CHSY1: variants seen among roughly 807,000 people sequenced by gnomAD.
CHSY1 encodes chondroitin sulfate synthase 1.
Under a neutral mutation model 59.8 loss-of-function variants are expected in CHSY1, and 13 were observed. The observed-to-expected ratio is 0.22, with a 90% CI of 0.14 to 0.35. CHSY1 has a LOEUF of 0.35. Among genes scored for constraint, CHSY1 ranks in the 10% least tolerant of loss-of-function variants. The pLI, the probability that CHSY1 is intolerant of heterozygous loss-of-function variation, is 1.00. For missense variants in CHSY1, 947 were observed against 1,030.6 expected, an observed-to-expected ratio of 0.92 and a Z score of 1.11; for synonymous variants, 459 against 401.2, an observed-to-expected ratio of 1.14 and a Z score of -1.72.
rs552355921 is a variant in CHSY1 at position 101,178,165 on chromosome 15, G to A, written c.1632C>T (p.Phe544=). ...INILIPLSGR[F]DMFVRFMGNF... ...TTCCCATAAATCTCACAAACATGTC[G>A]AAACGCCCAGACAAAGGAATCAGTA... The change falls in exon 3 of 3, where the codon TTC becomes TTT. Residue 544 remains phenylalanine, a synonymous_variant. Transcript: ENST00000254190. 30 of 1,614,156 alleles carry A rather than the reference G, an allele frequency of 1.9e-5. No homozygotes were observed. The highest frequency in any genetic ancestry group is 1.6e-4 in the East Asian group (7 of 44,886).
intron 2 of CHSY1, among the ~76,000 whole-genome samples, chr15:101,203,349 A>AT (rs772529090): frequency 6.6e-6 from 1 of 152,228 alleles, no homozygotes; most frequent in Non-Finnish European, 1.5e-5. Flanking sequence ...GAGACACACT[A>AT]ATTTCAATAC....
rs1475060155 is a variant in CHSY1, at chr15:101,235,316, G to A, written c.582C>T (p.Leu194=). The A allele has an allele frequency of 2.5e-6, 4 of 1,614,088 alleles. No individual in the cohort carries two copies. Among genetic ancestry groups the A allele is most frequent in the African/African-American group, 1.3e-5 (1 of 74,934 alleles). Residue 194 remains leucine (L), a synonymous_variant, in exon 2 of 3, where the codon CTC becomes CTT. Transcript: ENST00000254190. ...FLRSLNSSEP[L]FLGQTGLGTT... ...TGCCCAGGCCTGTCTGCCCAAGAAAGAGGGGCTCGCTGCTGTTCAAACTCC... is the reference window on the plus strand; with the variant it reads ...TGCCCAGGCCTGTCTGCCCAAGAAAAAGGGGCTCGCTGCTGTTCAAACTCC...
At chr15:101,191,355 TAAAAC>T (rs2038442561) in intron 2 of CHSY1, among the ~76,000 whole-genome samples, 1 of 152,172 alleles carries the variant, frequency 6.6e-6, no homozygotes, top group African/African-American at 2.4e-5. Flanking sequence ...TATAACACTG[TAAAAC>T]AAAACAAGGC....
chr15:101,223,287 G>A (rs970214810), intron 2 of CHSY1, among the ~76,000 whole-genome samples: 1 of 152,116 alleles, frequency 6.6e-6, no homozygotes. Flanking sequence ...CACCATGCCC[G>A]GCCAACTACT....
At position 101,251,129 on chromosome 15, in the gene CHSY1, G is replaced by A. The variant is rs764708076; in HGVS notation, c.320+8C>T. On this transcript the variant is annotated splice_region_variant and intron_variant, in intron 1 of 2. Coordinates refer to ENST00000254190, the MANE Select transcript of CHSY1 (RefSeq NM_014918.5). The stretch of plus-strand genomic sequence containing the variant: ...GCAGGAGGCGGTGCCCGGGGAGCAG[G>A]GGCTCACCTGTAGGCGGCCACGGCC... 1.3e-6 allele frequency: 2 copies of A among 1,572,854 alleles called. No homozygotes were observed. The highest frequency in any genetic ancestry group is 1.4e-5 in the African/African-American group (1 of 73,904).
rs1222475741 is a variant in CHSY1, at chr15:101,235,062, G to A, written c.816+20C>T. 3.1e-6 allele frequency: 5 copies of A among 1,611,808 alleles called. No homozygotes were observed. Among genetic ancestry groups the A allele is most frequent in the South Asian group, 2.2e-5 (2 of 91,072 alleles). On this transcript the variant is annotated intron_variant, in intron 2 of 2. Transcript: ENST00000254190. ...TTGACAAAATTAAGTTTTTCCCATG[G>A]TAAAGAATTCTGTTCTTACCTCATA...
At chr15:101,186,894 G>T (rs1051837701) in intron 2 of CHSY1, 1 of 152,206 alleles carries the variant, frequency 6.6e-6, no homozygotes, top group Admixed American at 6.5e-5. Flanking sequence ...ATCCGTCAAG[G>T]TAAAGAATTC....
At chr15:101,221,710 G>A (rs949270000) in intron 2 of CHSY1, among the ~76,000 whole-genome samples, 32 of 152,092 alleles carry the variant, frequency 2.1e-4, no homozygotes, top group African/African-American at 7.5e-4. Flanking sequence ...TTAAATAAAA[G>A]TTGTGTCTTT....
chr15:101,230,652 CAAGG>C (rs1446317003), intron 2 of CHSY1, among the ~76,000 whole-genome samples: 2 of 152,156 alleles, frequency 1.3e-5, no homozygotes, highest in Non-Finnish European at 2.9e-5. Flanking sequence ...GACAGACTAA[CAAGG>C]AAGATTTTAT....
chr15:101,241,494 AACC>A (rs1299402722), intron 1 of CHSY1, among the ~76,000 whole-genome samples: 2 of 152,274 alleles, frequency 1.3e-5, no homozygotes, highest in Non-Finnish European at 2.9e-5. Flanking sequence ...GCTAACAAGC[AACC>A]AAAGAAATCA....
At chr15:101,202,152 T>G in intron 2 of CHSY1, among the ~76,000 whole-genome samples, 3 of 144,454 alleles carry the variant, frequency 2.1e-5, no homozygotes, top group African/African-American at 7.8e-5. Flanking sequence ...ATGGAGGGCA[T>G]TTCTGCAGGG....
chr15:101,235,313 A>G lies in CHSY1; in HGVS notation c.585T>C (p.Phe195=). 6.2e-7 allele frequency: 1 copy of G among 1,614,170 alleles called. No homozygotes were observed. Among genetic ancestry groups the G allele is most frequent in the Non-Finnish European group, 8.5e-7 (1 of 1,180,036 alleles). The change falls in exon 2 of 3, where the codon TTT becomes TTC. Residue 195 remains phenylalanine, a synonymous_variant. Coordinates refer to ENST00000254190, the MANE Select transcript of CHSY1 (RefSeq NM_014918.5). ...TGGTGCCCAGGCCTGTCTGCCCAAGAAAGAGGGGCTCGCTGCTGTTCAAAC... is the reference window on the plus strand; with the variant it reads ...TGGTGCCCAGGCCTGTCTGCCCAAGGAAGAGGGGCTCGCTGCTGTTCAAAC... ...LRSLNSSEPL[F]LGQTGLGTTE...
chr15:101,183,724 G>T (rs1289938474), intron 2 of CHSY1, among the ~76,000 whole-genome samples: 1 of 152,240 alleles, frequency 6.6e-6, no homozygotes, highest in Non-Finnish European at 1.5e-5. Context: ...TGCAAACGGG[G>T]GAGGGTGTGG....
intron 2 of CHSY1, among the ~76,000 whole-genome samples, chr15:101,222,696 G>C (rs569648079): frequency 6.6e-6 from 1 of 152,092 alleles, no homozygotes; most frequent in African/African-American, 2.4e-5. Context: ...CCCACCCCTT[G>C]GTTTTGTCTG....
chr15:101,184,872 A>G (rs934088568), intron 2 of CHSY1, among the ~76,000 whole-genome samples: 3 of 152,188 alleles, frequency 2.0e-5, no homozygotes, highest in African/African-American at 7.2e-5. Flanking sequence ...AACAATTCAG[A>G]CAGAGAAGTT....
rs1033653277 is a variant in CHSY1 at position 101,251,894 on chromosome 15, G to C, written c.-438C>G. On this transcript the variant is annotated 5_prime_UTR_variant, in exon 1 of 3. Coordinates refer to ENST00000254190, the MANE Select transcript of CHSY1 (RefSeq NM_014918.5). ...TGTCCCCGTCCTCTTCGTAGCCGGCGCCGCCGCCGCAGCTGCACATCCTCC... is the reference window on the plus strand; with the variant it reads ...TGTCCCCGTCCTCTTCGTAGCCGGCCCCGCCGCCGCAGCTGCACATCCTCC... 1.7e-4 allele frequency: 26 copies of C among 150,802 alleles called. No individual in the cohort carries two copies. The highest frequency in any genetic ancestry group is 6.3e-4 in the African/African-American group (26 of 41,284). 9.3% of individuals were successfully genotyped at this position (150,802 alleles called of 1,614,324 possible).
At chr15:101,234,278 C>T (rs1442686759) in intron 2 of CHSY1, among the ~76,000 whole-genome samples, 2 of 152,192 alleles carry the variant, frequency 1.3e-5, no homozygotes, top group East Asian at 3.8e-4. Flanking sequence ...TCAAGGTACA[C>T]AACAAATGCG....
chr15:101,243,608 G>A (rs554417555), intron 1 of CHSY1, among the ~76,000 whole-genome samples: 2 of 152,234 alleles, frequency 1.3e-5, no homozygotes, highest in East Asian at 3.9e-4. Context: ...CAGGCTCACG[G>A]ACACTGCTAA....
At chr15:101,188,914 C>T (rs938248058) in intron 2 of CHSY1, among the ~76,000 whole-genome samples, 11 of 151,964 alleles carry the variant, frequency 7.2e-5, no homozygotes, top group Non-Finnish European at 1.3e-4. Context: ...TGATCTGGGG[C>T]AATCAGTTGA....
Sources: gnomAD v4.1 joint callset for allele counts (sites outside exome capture counted in the v4.1 genomes callset) on GRCh38, gnomAD v4.1.1 for gene constraint, MANE v1.5 for transcripts, NCBI Gene and HGNC (gene_info 2026-07-23, HGNC 2026-07-21) for gene names.